Variants in NUP210 observed in about 807,000 individuals in gnomAD.
NUP210 encodes the protein nucleoporin 210.
Under a neutral mutation model 196.0 loss-of-function variants are expected in NUP210, and 151 were observed. The observed-to-expected ratio is 0.77, with a 90% CI of 0.67 to 0.88. The LOEUF is 0.88. Among genes scored for constraint, NUP210 ranks in the 40% least tolerant of loss-of-function variants. The probability of loss-of-function intolerance (pLI) is 0.00; values close to 1 mark genes in which losing one functional copy is unlikely to be tolerated. For synonymous variants in NUP210, 1,070 were observed against 1,052.7 expected, an observed-to-expected ratio of 1.02 and a Z score of -0.32; for missense variants, 2,314 against 2,493.7, an observed-to-expected ratio of 0.93 and a Z score of 1.53.
chr3:13,342,498 C>G (rs1014976548), intron 21 of NUP210, among the ~76,000 whole-genome samples: 1 of 152,168 alleles, frequency 6.6e-6, no homozygotes, highest in Non-Finnish European at 1.5e-5. Context: ...CAGAAATACA[C>G]AGCGAAGAAA....
In NUP210 at chr3:13,340,817, T is replaced by C. The variant is rs1007814147; in HGVS notation, c.3229-519A>G. ...TTAGCCTGGGAGGAGACCAGGGACG[T>C]TGGTGCCACTCTTTGCAGCAGGTGA... On this transcript the variant is annotated intron_variant, in intron 23 of 39. Transcript: ENST00000254508. This position sits in a 1 kb window ranked among gnomAD's most constrained non-coding sequence, Gnocchi z 4.0. Among the ~76,000 whole-genome samples the C allele has an allele frequency of 2.0e-5, 3 of 152,034 alleles. No homozygotes were observed. Among genetic ancestry groups the C allele is most frequent in the Admixed American group, 2.0e-4 (3 of 15,268 alleles).
At chr3:13,417,321 T>C (rs996830345) in intron 1 of NUP210, among the ~76,000 whole-genome samples, 5 of 152,190 alleles carry the variant, frequency 3.3e-5, no homozygotes, top group African/African-American at 1.2e-4. Context: ...AATTTTGATG[T>C]TATAAAATAA....
chr3:13,358,594 G>A (rs964466076), intron 15 of NUP210, among the ~76,000 whole-genome samples, 199 bp from the exon 16 acceptor site: 2 of 152,132 alleles, frequency 1.3e-5, no homozygotes, highest in Non-Finnish European at 2.9e-5. Flanking sequence ...ACACCTAAGA[G>A]ACTCTCAGAT....
chr3:13,364,768 C>T (rs569973957), intron 14 of NUP210, among the ~76,000 whole-genome samples: 5 of 152,200 alleles, frequency 3.3e-5, no homozygotes, highest in South Asian at 2.1e-4. Context: ...GCAATGGTTG[C>T]GGTGAGCAGA....
rs376118172 is a variant in NUP210, at chr3:13,349,454, G to C, written c.2835+2425C>G. Among the ~76,000 whole-genome samples the C allele has an allele frequency of 2.8e-4, 43 of 152,292 alleles. 4 individuals carry two copies. Among genetic ancestry groups the C allele is most frequent in the South Asian group, 2.5e-3 (12 of 4,824 alleles). ...GGGATGGAGGCTCTGCCTTGGGTGC[G>C]GCACCCGTGAGAATACTGGGGCCCG... is the stretch of plus-strand genomic sequence containing the variant. On this transcript the variant is annotated intron_variant, in intron 20 of 39. Coordinates refer to ENST00000254508, the MANE Select transcript of NUP210 (RefSeq NM_024923.4).
chr3:13,371,280 T>C (rs1336111195), intron 13 of NUP210, among the ~76,000 whole-genome samples: 2 of 152,182 alleles, frequency 1.3e-5, no homozygotes, highest in Non-Finnish European at 2.9e-5. Context: ...CTCAGTTTCT[T>C]CATCTGTCAC....
chr3:13,326,161 C>T (rs1175750537), intron 32 of NUP210, among the ~76,000 whole-genome samples: 1 of 152,260 alleles, frequency 6.6e-6, no homozygotes, highest in Non-Finnish European at 1.5e-5. Flanking sequence ...CCGCCCTCTA[C>T]AGGGCTGTGG....
rs770900663 is a variant in NUP210 at position 13,317,332 on chromosome 3, C to A, written c.*349G>T. On this transcript the variant is annotated 3_prime_UTR_variant, in exon 40 of 40. Transcript: ENST00000254508. ...GACAACTTCTAAAGAGCACTTCTAA[C>A]TGCTCAAAGTCTTGAGAAGGGAAAG... The A allele has an allele frequency of 9.3e-5, 29 of 312,312 alleles. No homozygotes were observed. The highest frequency in any genetic ancestry group is 1.6e-4 in the Non-Finnish European group (26 of 163,980). The allele number at this position is 312,312 out of a possible 1,614,324, so 19.3% of individuals were successfully genotyped here.
Position 13,343,342 on chromosome 3 carries a change from G to GGGGGGGGGGGGGGGGGGGGGGGGGGGGC in NUP210, c.2836-40_2836-39insGCCCCCCCCCCCCCCCCCCCCCCCCCCC. ...GCGGAGGTGGAGGGGTGGGTGGTGG[G>GGGGGGGGGGGGGGGGGGGGGGGGGGGGC]TTACGCAGCTGCAGGGCCCCCCTCT... On this transcript the variant is annotated intron_variant, in intron 20 of 39. Transcript: ENST00000254508. The GGGGGGGGGGGGGGGGGGGGGGGGGGGGC allele has an allele frequency of 1.2e-5, 8 of 655,968 alleles. No homozygotes were observed. The East Asian group carries it at 1.8e-4, about 15-fold the overall frequency. 40.6% of individuals were successfully genotyped at this position (655,968 alleles called of 1,614,324 possible).
intron 37 of NUP210, 40 bp downstream of exon 37, chr3:13,319,723 C>A: frequency 6.4e-7 from 1 of 1,573,332 alleles, no homozygotes; most frequent in Non-Finnish European, 8.7e-7. Context: ...TGTCCCTCCC[C>A]ATCCTGGTCT....
Position 13,376,325 on chromosome 3 carries a change from G to C in NUP210, c.1259C>G (p.Ala420Gly), listed in dbSNP as rs1698905764. The C allele has an allele frequency of 2.5e-6, 4 of 1,614,158 alleles. No homozygotes were observed. The East Asian group carries it at 8.9e-5, about 36-fold the overall frequency. Residue 420 changes from alanine to glycine, a missense_variant, in exon 10 of 40, where the codon GCC (alanine) becomes GGC (glycine). Coordinates refer to ENST00000254508, the MANE Select transcript of NUP210 (RefSeq NM_024923.4). ...CACAGAGGTGAGGGCCGCGTCAATG[G>C]CCGTCTGTCCCCTCTTTAGTGCCCT... ...RIRALKRGQTAIDAALTSVVD... is the reference protein window; with the variant it reads ...RIRALKRGQTGIDAALTSVVD...
At position 13,351,928 on chromosome 3, in the gene NUP210, G is replaced by A. The variant is rs945985392; in HGVS notation, c.2786C>T (p.Thr929Ile). The change falls in exon 20 of 40, where the codon ACC becomes ATC. Residue 929 changes from threonine to isoleucine, a missense_variant. Transcript: ENST00000254508. ...GSGYFFLNTS[T>I]ADVVKVAYQE... ...GTAGGCCACCTTGACAACATCTGCG[G>A]TGCTGGTGTTGAGGAAGAAGTAACC... The A allele has an allele frequency of 2.5e-6, 4 of 1,613,674 alleles. No homozygotes were observed. The African/African-American group carries it at 4.0e-5, about 16-fold the overall frequency.
rs1697525606 is a variant in NUP210 at position 13,342,028 on chromosome 3, C to T, written c.3060G>A (p.Lys1020=). ...TAATGATCGGGGAGGCTGCTCGGAG[C>T]TTCAGGTCCATAAAGGGGAAGTATT... ...LAKYFPFMDL[K]LRAASPIITL... is the part of the protein sequence containing the mutation. The change falls in exon 22 of 40, where the codon AAG becomes AAA. Residue 1020 remains lysine, a synonymous_variant. Coordinates refer to ENST00000254508, the MANE Select transcript of NUP210 (RefSeq NM_024923.4). 7.4e-6 allele frequency: 12 copies of T among 1,614,192 alleles called. No homozygotes were observed. Among genetic ancestry groups the T allele is most frequent in the Non-Finnish European group, 1.0e-5 (12 of 1,180,032 alleles).
At chr3:13,342,230 A>G (rs568520562) in intron 21 of NUP210, 107 bp from the exon 22 acceptor site, 26 of 1,406,392 alleles carry the variant, frequency 1.8e-5, no homozygotes, top group Non-Finnish European at 2.3e-5. Flanking sequence ...CAACCCACAG[A>G]CCTGGGAATC....
In NUP210 at chr3:13,348,991, C is replaced by G; in HGVS notation, c.2835+2888G>C. ...GAAGCTCTTGCCTCACAGGCCCACA[C>G]CCCCACACATCAAAAAACAGCCGGA... On this transcript the variant is annotated intron_variant, in intron 20 of 39. Transcript: ENST00000254508. The surrounding 1 kb of genome is among the most constrained non-coding windows in gnomAD (Gnocchi z 4.0). 1.3e-6 allele frequency: 1 copy of G among 776,874 alleles called. No individual in the cohort carries two copies. Among genetic ancestry groups the G allele is most frequent in the Non-Finnish European group, 1.6e-6 (1 of 639,298 alleles). 48.1% of individuals were successfully genotyped at this position (776,874 alleles called of 1,614,324 possible). A position where few individuals can be genotyped will look rare whatever the true frequency, so the allele number is the denominator to read the frequency against.
chr3:13,347,261 C>T lies in NUP210; in HGVS notation c.2836-3958G>A. ...GCAGTGCTTAACACAGCACCTGGCACACGATAAGCACTCCAGCGTCTCTGA... is the reference window on the plus strand; with the variant it reads ...GCAGTGCTTAACACAGCACCTGGCATACGATAAGCACTCCAGCGTCTCTGA... On this transcript the variant is annotated intron_variant, in intron 20 of 39. Transcript: ENST00000254508. The surrounding 1 kb of genome is among the most constrained non-coding windows in gnomAD (Gnocchi z 4.7). 1 of 985,310 alleles carries T rather than the reference C, an allele frequency of 1.0e-6. No individual in the cohort carries two copies. Among genetic ancestry groups the T allele is most frequent in the Non-Finnish European group, 1.2e-6 (1 of 829,822 alleles). 61.0% of individuals were successfully genotyped at this position (985,310 alleles called of 1,614,324 possible).
At chr3:13,324,058 G>A (rs925445554) in intron 33 of NUP210, among the ~76,000 whole-genome samples, 2 of 152,180 alleles carry the variant, frequency 1.3e-5, no homozygotes, top group African/African-American at 4.8e-5. Context: ...GCAGGGATGC[G>A]ATTGAAGCCC....
intron 12 of NUP210, 134 bp from the exon 13 acceptor site, chr3:13,372,166 G>A (rs112024017): frequency 0.02 from 16,243 of 826,772 alleles, 216 homozygotes; most frequent in South Asian, 0.025. Context: ...CGGGCAGTGG[G>A]GTGATTCAGG....
chr3:13,407,563 CCTGCCT>C (rs1330649229), intron 1 of NUP210, among the ~76,000 whole-genome samples: 2 of 152,158 alleles, frequency 1.3e-5, no homozygotes, highest in African/African-American at 4.8e-5. Context: ...TTCCAAAGCC[CCTGCCT>C]CCCACTCCTC....
Sources: allele counts gnomAD v4.1 joint callset (sites outside exome capture counted in the v4.1 genomes callset), GRCh38; gene constraint gnomAD v4.1.1; non-coding constraint Gnocchi (gnomAD v3.1); transcripts MANE v1.5; gene names NCBI Gene and HGNC (gene_info 2026-07-23, HGNC 2026-07-21).